The following NEDD9 variants were observed in gnomAD, a reference collection of about 807,000 sequenced individuals.
NEDD9 encodes enhancer of filamentation 1.
Under a neutral mutation model 76.6 loss-of-function variants are expected in NEDD9, and 26 were observed. The observed-to-expected ratio is 0.34, with a 90% CI of 0.25 to 0.47. The LOEUF is 0.47. Ranked by LOEUF, NEDD9 falls within the 20% of genes least tolerant of loss-of-function variation. NEDD9 has a pLI of 1.00. For missense variants in NEDD9, 937 were observed against 1,058.5 expected (o/e 0.89, Z 1.59); for synonymous variants, 392 against 414.2 (o/e 0.95, Z 0.65).
chr6:11,244,241 CT>C (rs1343133461), intron 3 of NEDD9, among the ~76,000 whole-genome samples: 1 of 152,032 alleles, frequency 6.6e-6, no homozygotes, highest in African/African-American at 2.4e-5. Context: ...ACAAACCAAT[CT>C]TTTACTCTCT....
chr6:11,212,326 A>G (rs534856025), intron 2 of NEDD9, among the ~76,000 whole-genome samples: 13 of 152,240 alleles, frequency 8.5e-5, no homozygotes, highest in Non-Finnish European at 1.5e-4. Flanking sequence ...TCACATAAGC[A>G]TCACCTTGGT....
rs1266126758 is a variant in NEDD9, at chr6:11,198,352, C to T, written c.460-4660G>A. On this transcript the variant is annotated intron_variant, in intron 2 of 6. Transcript: ENST00000379446. This position sits in a 1 kb window ranked among gnomAD's most constrained non-coding sequence, Gnocchi z 4.7. Reference sequence around the variant, plus strand: ...CCCAGGCTCTGCACCAACTCCCTCCCTCGGCGAGAACTGAGCTGTCCATTT... The same window carrying T: ...CCCAGGCTCTGCACCAACTCCCTCCTTCGGCGAGAACTGAGCTGTCCATTT... The T allele has an allele frequency of 6.6e-6, 1 of 152,256 alleles. No individual in the cohort carries two copies. The highest frequency in any genetic ancestry group is 6.5e-5 in the Admixed American group (1 of 15,284). The allele number at this position is 152,256 out of a possible 1,614,324, so 9.4% of individuals were successfully genotyped here. A position where few individuals can be genotyped will look rare whatever the true frequency, so the allele number is the denominator to read the frequency against.
At chr6:11,247,335 G>T (rs919044093) in intron 3 of NEDD9, among the ~76,000 whole-genome samples, 2 of 152,098 alleles carry the variant, frequency 1.3e-5, no homozygotes, top group African/African-American at 2.4e-5. Context: ...TGGTGCCATT[G>T]TCTGCCATGT....
At chr6:11,274,253 G>A (rs545300884) in intron 3 of NEDD9, among the ~76,000 whole-genome samples, 3 of 152,290 alleles carry the variant, frequency 2.0e-5, no homozygotes, top group African/African-American at 7.2e-5. Flanking sequence ...AATGACCTGG[G>A]CTGTCCCTGT....
At chr6:11,352,784 T>C (rs1030118572) in intron 1 of NEDD9, 37 of 152,258 alleles carry the variant, frequency 2.4e-4, no homozygotes, top group African/African-American at 8.7e-4. Flanking sequence ...CCAATGCCTA[T>C]TAAAAACAGA....
chr6:11,219,178 C>T (rs1043154442), intron 1 of NEDD9, among the ~76,000 whole-genome samples: 10 of 152,178 alleles, frequency 6.6e-5, no homozygotes, highest in Non-Finnish European at 1.3e-4. Flanking sequence ...ACCCCTCACC[C>T]CACCTCCAAC....
intron 1 of NEDD9, among the ~76,000 whole-genome samples, chr6:11,340,494 CATA>C (rs1762250864): frequency 6.6e-6 from 1 of 152,168 alleles, no homozygotes; most frequent in African/African-American, 2.4e-5. Context: ...ATTTAATCGT[CATA>C]ATATCTTTTA....
At chr6:11,325,181 C>G (rs1460249870) in intron 2 of NEDD9, among the ~76,000 whole-genome samples, 4 of 152,020 alleles carry the variant, frequency 2.6e-5, no homozygotes, top group Non-Finnish European at 5.9e-5. Context: ...ATGGCAAAAC[C>G]CTGTCTCTAC....
At chr6:11,355,520 T>C (rs979151580) in intron 1 of NEDD9, among the ~76,000 whole-genome samples, 7 of 152,130 alleles carry the variant, frequency 4.6e-5, no homozygotes, top group Admixed American at 2.0e-4. Context: ...ACTGTCCCTG[T>C]TTTAAAACTG....
intron 2 of NEDD9, among the ~76,000 whole-genome samples, chr6:11,309,437 G>C (rs1285437442): frequency 6.6e-6 from 1 of 152,092 alleles, no homozygotes; most frequent in Non-Finnish European, 1.5e-5. Flanking sequence ...ATCCCTCCCT[G>C]CCTTCCTGCC....
At chr6:11,196,675 C>T (rs930597384) in intron 2 of NEDD9, among the ~76,000 whole-genome samples, 9 of 152,084 alleles carry the variant, frequency 5.9e-5, no homozygotes, top group East Asian at 1.9e-4. Context: ...AGGGGGGAAA[C>T]GCCAACCGAA....
rs1279262281 is a variant in NEDD9 at position 11,232,530 on chromosome 6, G to A, written c.-15C>T. 1 of 1,614,168 alleles carries A rather than the reference G, an allele frequency of 6.2e-7. No homozygotes were observed. Among genetic ancestry groups the A allele is most frequent in the East Asian group, 2.2e-5 (1 of 44,890 alleles). ...TTATACTTCATTTCGGCAGCGGTGG[G>A]TTGAGCCGTTTTCCTACACTAGTTA... On this transcript the variant is annotated 5_prime_UTR_variant, in exon 1 of 7. Coordinates refer to ENST00000379446, the MANE Select transcript of NEDD9 (RefSeq NM_006403.4).
chr6:11,227,095 C>T (rs6457131), intron 1 of NEDD9, among the ~76,000 whole-genome samples: 32,823 of 152,106 alleles, frequency 0.22, 3,661 homozygotes, highest in Middle Eastern at 0.29. Context: ...TTCAGGAATA[C>T]TGAGTCCAAT....
chr6:11,243,582 C>T (rs1759750095), intron 3 of NEDD9, among the ~76,000 whole-genome samples: 1 of 152,224 alleles, frequency 6.6e-6, no homozygotes, highest in Non-Finnish European at 1.5e-5. Context: ...GATCTCCCCT[C>T]AACTCCTGAA....
chr6:11,302,141 A>G (rs1250153466), intron 3 of NEDD9, among the ~76,000 whole-genome samples: 2 of 152,208 alleles, frequency 1.3e-5, no homozygotes, highest in African/African-American at 4.8e-5. Context: ...AAAAGAAAAG[A>G]GAGAAGAATC....
chr6:11,344,524 AAGATTC>A (rs1762330297), intron 1 of NEDD9, among the ~76,000 whole-genome samples: 1 of 152,240 alleles, frequency 6.6e-6, no homozygotes, highest in African/African-American at 2.4e-5. Context: ...TTGATAAAAT[AAGATTC>A]CAATCTACAA....
intron 2 of NEDD9, among the ~76,000 whole-genome samples, chr6:11,333,060 AAGGGAGGGAG>A (rs1762080862): frequency 8.6e-5 from 2 of 23,152 alleles, no homozygotes; most frequent in African/African-American, 7.0e-4. Flanking sequence ...GGAAGGAAGG[AAGGGAGGGAG>A]GGAGGGAGGG....
intron 3 of NEDD9, among the ~76,000 whole-genome samples, chr6:11,288,759 T>G (rs1306490503): frequency 6.6e-6 from 1 of 152,248 alleles, no homozygotes; most frequent in Non-Finnish European, 1.5e-5. Flanking sequence ...TCAGGCACAA[T>G]GCAGCCACTT....
At chr6:11,310,890 G>A (rs1446796781) in intron 2 of NEDD9, among the ~76,000 whole-genome samples, 29 of 152,150 alleles carry the variant, frequency 1.9e-4, no homozygotes, top group Admixed American at 1.8e-3. Flanking sequence ...TCTGCAGATT[G>A]ACTTCACATT....
Sources: gnomAD v4.1 joint callset for allele counts (sites outside exome capture counted in the v4.1 genomes callset) on GRCh38, gnomAD v4.1.1 for gene constraint, Gnocchi (gnomAD v3.1) non-coding constraint, MANE v1.5 for transcripts, NCBI Gene and HGNC (gene_info 2026-07-23, HGNC 2026-07-21) for gene names.